KIRREL1: variants seen among roughly 807,000 people sequenced by gnomAD.
The protein encoded by KIRREL1 is kirre like nephrin family adhesion molecule 1.
A neutral mutation model predicts 83.3 loss-of-function variants in KIRREL1; 25 were observed. That is an observed-to-expected ratio of 0.30 (90% confidence interval 0.22 to 0.42). The LOEUF (loss-of-function observed/expected upper bound fraction) is 0.42. KIRREL1 is among the 10% of genes least tolerant of loss of function. KIRREL1 has a pLI of 1.00. For synonymous variants in KIRREL1, 388 were observed against 410.4 expected (o/e 0.95, Z 0.66); for missense variants, 812 against 1,032.3 (o/e 0.79, Z 2.92).
At chr1:158,054,831 G>A (rs1661008254) in intron 1 of KIRREL1, among the ~76,000 whole-genome samples, 1 of 152,154 alleles carries the variant, frequency 6.6e-6, no homozygotes, top group African/African-American at 2.4e-5. Flanking sequence ...ACCTACTCCT[G>A]CAGAGAGACC....
At chr1:158,068,187 A>C (rs1661406947) in intron 1 of KIRREL1, among the ~76,000 whole-genome samples, 1 of 152,150 alleles carries the variant, frequency 6.6e-6, no homozygotes, top group Non-Finnish European at 1.5e-5. Flanking sequence ...GAAGCCAGAG[A>C]GCTTTGGTCG....
chr1:158,078,226 A>C, intron 3 of KIRREL1, 86 bp downstream of exon 3: 1 of 1,401,338 alleles, frequency 7.1e-7, no homozygotes, highest in Non-Finnish European at 9.9e-7. Flanking sequence ...TCCCTCTTTA[A>C]TTTCCCAGCT....
At chr1:158,070,846 A>G (rs537232542) in intron 1 of KIRREL1, among the ~76,000 whole-genome samples, 3 of 151,984 alleles carry the variant, frequency 2.0e-5, no homozygotes, top group Non-Finnish European at 4.4e-5. Flanking sequence ...CAAATTCCCT[A>G]TTGCTCTCCT....
intron 5 of KIRREL1, 84 bp from the exon 6 acceptor site, chr1:158,087,671 T>G: frequency 1.1e-6 from 1 of 886,304 alleles, no homozygotes; most frequent in South Asian, 1.7e-5. Context: ...GCCAGAGTGG[T>G]CAGGTCTGAA....
At chr1:158,030,521 G>A (rs1312004799) in intron 1 of KIRREL1, among the ~76,000 whole-genome samples, 1 of 152,190 alleles carries the variant, frequency 6.6e-6, no homozygotes, top group Non-Finnish European at 1.5e-5. Context: ...GAAGATCTGG[G>A]TTCTACTCCA....
intron 5 of KIRREL1, 151 bp from the exon 6 acceptor site, chr1:158,087,604 G>A: frequency 1.7e-6 from 1 of 586,760 alleles, no homozygotes; most frequent in Non-Finnish European, 3.1e-6. Context: ...CAAAAGGTGA[G>A]GAAGACAGTG....
chr1:158,014,499 C>G (rs1236379801), intron 1 of KIRREL1, among the ~76,000 whole-genome samples: 1 of 152,106 alleles, frequency 6.6e-6, no homozygotes, highest in Non-Finnish European at 1.5e-5. Context: ...CTTCTCCCAC[C>G]CTTTACTCCT....
At chr1:158,058,781 A>T (rs971739005) in intron 1 of KIRREL1, among the ~76,000 whole-genome samples, 1 of 152,088 alleles carries the variant, frequency 6.6e-6, no homozygotes, top group Non-Finnish European at 1.5e-5. Context: ...TCCCCTGGGG[A>T]GAGAGTGACA....
chr1:158,003,518 G>C (rs1172556662), intron 1 of KIRREL1, among the ~76,000 whole-genome samples: 1 of 152,134 alleles, frequency 6.6e-6, no homozygotes, highest in Non-Finnish European at 1.5e-5. Flanking sequence ...TGACACTGTG[G>C]GATGGGATGG....
At chr1:158,051,129 G>A (rs570126120) in intron 1 of KIRREL1, among the ~76,000 whole-genome samples, 14 of 152,336 alleles carry the variant, frequency 9.2e-5, no homozygotes, top group Admixed American at 3.3e-4. Context: ...GATGGTGGAC[G>A]TGGTGCATGG....
Position 158,094,512 on chromosome 1 carries a change from G to A in KIRREL1, c.1797+122G>A. The A allele has an allele frequency of 2.4e-6, 3 of 1,271,104 alleles. No individual in the cohort carries two copies. Among genetic ancestry groups the A allele is most frequent in the Admixed American group, 3.4e-5 (2 of 58,162 alleles). 78.7% of individuals were successfully genotyped at this position (1,271,104 alleles called of 1,614,324 possible). On this transcript the variant is annotated intron_variant, in intron 14 of 14. Transcript: ENST00000359209. The surrounding 1 kb of genome is among the most constrained non-coding windows in gnomAD (Gnocchi z 4.6). ...AGGAGTGGTTGGGAGGGTTTTTGAA[G>A]GAGCAGAGGAGGTGGAATGCTAGAT...
intron 1 of KIRREL1, among the ~76,000 whole-genome samples, chr1:158,057,980 C>T (rs1163964504): frequency 6.6e-6 from 1 of 152,286 alleles, no homozygotes; most frequent in Admixed American, 6.5e-5. Flanking sequence ...AGAGAAGAAG[C>T]CCTTTGATAA....
intron 1 of KIRREL1, among the ~76,000 whole-genome samples, chr1:158,047,840 G>C (rs1001195045): frequency 6.6e-6 from 1 of 152,184 alleles, no homozygotes; most frequent in Non-Finnish European, 1.5e-5. Flanking sequence ...ATGCACAAAA[G>C]TACTTTGGGG....
In KIRREL1 at chr1:158,034,178, G is replaced by A. The variant is rs561509038; in HGVS notation, c.52+40450G>A. Among the ~76,000 whole-genome samples the A allele has an allele frequency of 1.8e-3, 273 of 149,214 alleles. 3 individuals carry two copies. The highest frequency in any genetic ancestry group is 7.1e-3 in the Middle Eastern group (2 of 282). On this transcript the variant is annotated intron_variant, in intron 1 of 14. Transcript: ENST00000359209. ...ATCCCAGCTACTCAGGAGGCTGAGGGAGAATGGCGTGAATCCAGGAGGCGG... is the reference window on the plus strand; with the variant it reads ...ATCCCAGCTACTCAGGAGGCTGAGGAAGAATGGCGTGAATCCAGGAGGCGG...
intron 1 of KIRREL1, among the ~76,000 whole-genome samples, chr1:158,068,966 G>T (rs11264892): frequency 0.3 from 46,095 of 152,034 alleles, 7,217 homozygotes; most frequent in Non-Finnish European, 0.34. Flanking sequence ...AGAGCGTGGG[G>T]ACTGCTCTGG....
In KIRREL1 at chr1:158,096,577, G is replaced by C; in HGVS notation, c.*1457G>C. On this transcript the variant is annotated 3_prime_UTR_variant, in exon 15 of 15. Coordinates refer to ENST00000359209, the MANE Select transcript of KIRREL1 (RefSeq NM_018240.7). ...GGGGCCTGGAAATGGCCCTGACAGA[G>C]AACTTGTGCTGACCGGGAGAAGGTG... is the stretch of plus-strand genomic sequence containing the variant. 2.2e-6 allele frequency: 1 copy of C among 457,048 alleles called. No homozygotes were observed. Among genetic ancestry groups the C allele is most frequent in the Non-Finnish European group, 4.4e-6 (1 of 227,048 alleles). 28.3% of individuals were successfully genotyped at this position (457,048 alleles called of 1,614,324 possible). A position where few individuals can be genotyped will look rare whatever the true frequency, so the allele number is the denominator to read the frequency against.
chr1:158,058,168 G>T (rs1661117694), intron 1 of KIRREL1, among the ~76,000 whole-genome samples: 1 of 152,146 alleles, frequency 6.6e-6, no homozygotes, highest in Non-Finnish European at 1.5e-5. Flanking sequence ...CAGGCCTCGG[G>T]TTCTGTAATT....
chr1:158,001,104 G>A (rs989385048), intron 1 of KIRREL1, among the ~76,000 whole-genome samples: 4 of 152,164 alleles, frequency 2.6e-5, no homozygotes, highest in African/African-American at 9.7e-5. Flanking sequence ...GAATCGACTA[G>A]GCCATTGGAT....
intron 1 of KIRREL1, among the ~76,000 whole-genome samples, chr1:158,050,704 C>T (rs756594426): frequency 6.6e-6 from 1 of 151,988 alleles, no homozygotes; most frequent in Non-Finnish European, 1.5e-5. Context: ...TCCAGAGAGA[C>T]CACAGAGTTA....
Sources: allele counts gnomAD v4.1 joint callset (sites outside exome capture counted in the v4.1 genomes callset), GRCh38; gene constraint gnomAD v4.1.1; non-coding constraint Gnocchi (gnomAD v3.1); transcripts MANE v1.5; gene names NCBI Gene and HGNC (gene_info 2026-07-23, HGNC 2026-07-21).